CTNND2: variants seen among roughly 807,000 people sequenced by gnomAD.
The protein encoded by CTNND2 is catenin delta 2, also known as catenin delta-2.
In CTNND2, 22 loss-of-function variants were observed where a neutral mutation model predicts 144.4. The observed-to-expected ratio is 0.15, with a 90% CI of 0.11 to 0.22. The LOEUF is 0.22. Ranked by LOEUF, CTNND2 falls within the 10% of genes least tolerant of loss-of-function variation. The pLI is 1.00. For missense variants in CTNND2, 1,353 were observed against 1,618.8 expected, an observed-to-expected ratio of 0.84 and a Z score of 2.82; for synonymous variants, 751 against 695.6, an observed-to-expected ratio of 1.08 and a Z score of -1.25.
rs115039398 is a variant in CTNND2 at position 11,122,803 on chromosome 5, C to T, written c.2160-5236G>A. 2.5e-3 allele frequency among the ~76,000 whole-genome samples: 374 copies of T among 152,008 alleles called. 1 individual carries two copies. Among genetic ancestry groups the T allele is most frequent in the African/African-American group, 8.8e-3 (364 of 41,446 alleles). On this transcript the variant is annotated intron_variant, in intron 12 of 21. Transcript: ENST00000304623. The stretch of plus-strand genomic sequence containing the variant: ...AGTGATACAGAGAGTCCCAAGGCAC[C>T]GTCCCGTCGAAAAATGAAGTCACAT...
At chr5:11,051,936 C>A (rs1028557624) in intron 16 of CTNND2, among the ~76,000 whole-genome samples, 3 of 152,196 alleles carry the variant, frequency 2.0e-5, no homozygotes, top group Non-Finnish European at 4.4e-5. Context: ...TTAATAAGCA[C>A]TGTCTGCCTG....
chr5:11,725,809 C>T (rs190175542), intron 2 of CTNND2, among the ~76,000 whole-genome samples: 4 of 151,668 alleles, frequency 2.6e-5, no homozygotes, highest in Non-Finnish European at 4.4e-5. Flanking sequence ...TTTTAAAAAA[C>T]GTTTTTGAGA....
intron 3 of CTNND2, among the ~76,000 whole-genome samples, chr5:11,521,186 C>T (rs1772687280): frequency 6.6e-6 from 1 of 152,066 alleles, no homozygotes; most frequent in African/African-American, 2.4e-5. Flanking sequence ...CAAAATGTGG[C>T]CATATATTTC....
Position 11,227,225 on chromosome 5 carries a change from T to C in CTNND2, c.1761+9466A>G, listed in dbSNP as rs183864215. The stretch of plus-strand genomic sequence containing the variant: ...TGCAGCACATGCTAAAAATAACTCA[T>C]ACTCCTTTGCCACCTGCTCTGTGCT... On this transcript the variant is annotated intron_variant, in intron 10 of 21. Coordinates refer to ENST00000304623, the MANE Select transcript of CTNND2 (RefSeq NM_001332.4). Among the ~76,000 whole-genome samples the C allele has an allele frequency of 3.1e-3, 469 of 152,382 alleles. 1 individual carries two copies. The highest frequency in any genetic ancestry group is 0.011 in the African/African-American group (449 of 41,594).
intron 1 of CTNND2, among the ~76,000 whole-genome samples, chr5:11,891,214 T>C (rs908939005): frequency 2.6e-5 from 4 of 152,242 alleles, no homozygotes; most frequent in East Asian, 1.9e-4. Context: ...ATATACCATA[T>C]TGTTCTATGT....
intron 3 of CTNND2, among the ~76,000 whole-genome samples, chr5:11,438,454 C>T (rs1218482203): frequency 6.6e-6 from 1 of 152,166 alleles, no homozygotes; most frequent in Non-Finnish European, 1.5e-5. Flanking sequence ...ATATGAACTA[C>T]ACGTGGTGTT....
At chr5:11,513,328 A>G (rs1771835984) in intron 3 of CTNND2, among the ~76,000 whole-genome samples, 1 of 152,200 alleles carries the variant, frequency 6.6e-6, no homozygotes, top group African/African-American at 2.4e-5. Context: ...TTTGCAAACC[A>G]GTTTCAACTA....
intron 2 of CTNND2, among the ~76,000 whole-genome samples, chr5:11,622,115 A>C (rs543028216): frequency 6.6e-6 from 1 of 152,166 alleles, no homozygotes; most frequent in Non-Finnish European, 1.5e-5. Flanking sequence ...AGACAGAAGA[A>C]CATCACCCCA....
chr5:11,624,732 G>C (rs1781061246), intron 2 of CTNND2, among the ~76,000 whole-genome samples: 1 of 152,018 alleles, frequency 6.6e-6, no homozygotes, highest in South Asian at 2.1e-4. Context: ...TTCTGCTCCT[G>C]TTAAGGAAAA....
chr5:11,568,420 G>A (rs968950726), intron 2 of CTNND2, among the ~76,000 whole-genome samples: 1 of 152,106 alleles, frequency 6.6e-6, no homozygotes, highest in Non-Finnish European at 1.5e-5. Flanking sequence ...GGCTTACAGG[G>A]AAAACTGTTT....
intron 1 of CTNND2, among the ~76,000 whole-genome samples, chr5:11,894,428 A>G (rs1196987920): frequency 6.6e-6 from 1 of 152,226 alleles, no homozygotes; most frequent in Non-Finnish European, 1.5e-5. Context: ...CCTTTAGGCA[A>G]TAGCCAATAG....
intron 2 of CTNND2, among the ~76,000 whole-genome samples, chr5:11,681,636 T>C (rs1784425571): frequency 6.6e-6 from 1 of 152,368 alleles, no homozygotes; most frequent in East Asian, 1.9e-4. Flanking sequence ...CATTTATTTG[T>C]ATATGCCAAC....
chr5:11,765,000 A>G (rs1435604418), intron 1 of CTNND2, among the ~76,000 whole-genome samples: 2 of 152,194 alleles, frequency 1.3e-5, no homozygotes, highest in African/African-American at 4.8e-5. Flanking sequence ...TGAATATGGT[A>G]AAATCCATCC....
intron 1 of CTNND2, among the ~76,000 whole-genome samples, chr5:11,790,998 G>T (rs141992651): frequency 6.6e-6 from 1 of 152,102 alleles, no homozygotes; most frequent in Admixed American, 6.5e-5. Flanking sequence ...AACAGGACTG[G>T]AGTCCTTAAA....
chr5:11,650,609 G>A (rs74710688), intron 2 of CTNND2, among the ~76,000 whole-genome samples: 1,796 of 152,296 alleles, frequency 0.012, 28 homozygotes, highest in African/African-American at 0.042. Flanking sequence ...AATGATGATA[G>A]TGATATGGAC....
At chr5:11,850,251 C>T (rs1475563230) in intron 1 of CTNND2, among the ~76,000 whole-genome samples, 1 of 151,982 alleles carries the variant, frequency 6.6e-6, no homozygotes, top group Non-Finnish European at 1.5e-5. Context: ...CCACTCCACC[C>T]AAAACTCCAT....
intron 8 of CTNND2, among the ~76,000 whole-genome samples, chr5:11,350,980 G>A (rs553626981): frequency 5.9e-5 from 9 of 152,268 alleles, no homozygotes; most frequent in East Asian, 1.9e-4. Context: ...GGAAAAGTGC[G>A]TATGGCATTG....
At chr5:11,443,256 T>C (rs1273709383) in intron 3 of CTNND2, among the ~76,000 whole-genome samples, 1 of 129,860 alleles carries the variant, frequency 7.7e-6, no homozygotes, top group East Asian at 2.4e-4. Context: ...GTGTGTGCTG[T>C]GTGTGGTGTG....
chr5:11,432,133 T>TA (rs1561384504), intron 3 of CTNND2, among the ~76,000 whole-genome samples: 3 of 150,788 alleles, frequency 2.0e-5, no homozygotes, highest in African/African-American at 7.3e-5. Context: ...TTTTTTTTTT[T>TA]TTTTTTTTAA....
Sources: allele counts gnomAD v4.1 joint callset (sites outside exome capture counted in the v4.1 genomes callset), GRCh38; gene constraint gnomAD v4.1.1; transcripts MANE v1.5; gene names NCBI Gene and HGNC (gene_info 2026-07-23, HGNC 2026-07-21).